The following FBXO21 variants were observed in gnomAD, a reference collection of about 807,000 sequenced individuals.
The protein encoded by FBXO21 is F-box only protein 21.
FBXO21 carries 32 observed loss-of-function variants against 76.6 expected under a neutral mutation model. The ratio of observed to expected loss-of-function variants is 0.42; its 90% confidence interval spans 0.32 to 0.56. FBXO21 has a LOEUF of 0.56. Ranked by LOEUF, FBXO21 falls within the 20% of genes least tolerant of loss-of-function variation. The pLI is 0.16. For synonymous variants in FBXO21, 328 were observed against 311.5 expected (o/e 1.05, Z -0.56); for missense variants, 586 against 797.3 (o/e 0.73, Z 3.19).
chr12:117,155,582 G>A (rs79478437), intron 11 of FBXO21: 137,810 of 609,644 alleles, frequency 0.23, 17,742 homozygotes, highest in East Asian at 0.4. Flanking sequence ...GGGGGAGGGC[G>A]GGTATGACTA....
chr12:117,172,193 A>C (rs904437369), intron 7 of FBXO21, among the ~76,000 whole-genome samples: 1 of 152,230 alleles, frequency 6.6e-6, no homozygotes, highest in Non-Finnish European at 1.5e-5. Flanking sequence ...TTTTTGAGAT[A>C]AATGTAGATT....
At chr12:117,173,900 T>C (rs927108622) in intron 6 of FBXO21, among the ~76,000 whole-genome samples, 1 of 151,854 alleles carries the variant, frequency 6.6e-6, no homozygotes, top group Admixed American at 6.6e-5. Flanking sequence ...TCCCAGCGCT[T>C]TGGGAGGCCA....
chr12:117,160,105 G>A (rs756382826), intron 9 of FBXO21, among the ~76,000 whole-genome samples: 11 of 152,168 alleles, frequency 7.2e-5, no homozygotes, highest in Non-Finnish European at 1.3e-4. Context: ...CTCTAGCCTA[G>A]GGGTTGGTAA....
intron 9 of FBXO21, among the ~76,000 whole-genome samples, chr12:117,161,758 C>CCATCCTTCAGCCT (rs1955979523): frequency 6.6e-6 from 1 of 152,160 alleles, no homozygotes; most frequent in Admixed American, 6.5e-5. Context: ...AAGAGGGGAA[C>CCATCCTTCAGCCT]TGTCCTAGGG....
intron 9 of FBXO21, among the ~76,000 whole-genome samples, chr12:117,164,902 CA>C (rs1956033742): frequency 6.6e-6 from 1 of 152,182 alleles, no homozygotes; most frequent in Non-Finnish European, 1.5e-5. Context: ...CGGGCCTCTC[CA>C]TGTGCTGCAG....
At chr12:117,185,902 T>C (rs1956277838) in intron 3 of FBXO21, among the ~76,000 whole-genome samples, 1 of 152,186 alleles carries the variant, frequency 6.6e-6, no homozygotes, top group Non-Finnish European at 1.5e-5. Flanking sequence ...GACGAAGTCT[T>C]GCTCTTGTCC....
intron 4 of FBXO21, 31 bp from the exon 5 acceptor site, chr12:117,174,828 T>G: frequency 6.2e-7 from 1 of 1,604,064 alleles, no homozygotes; most frequent in Non-Finnish European, 8.5e-7. Flanking sequence ...CCGAATAAAT[T>G]CTCACGTTAC....
At chr12:117,151,387 A>G (rs1955841250) in intron 11 of FBXO21, among the ~76,000 whole-genome samples, 1 of 152,174 alleles carries the variant, frequency 6.6e-6, no homozygotes, top group Non-Finnish European at 1.5e-5. Context: ...TCTTCATTGT[A>G]CAAACTAAAA....
At position 117,189,222 on chromosome 12, in the gene FBXO21, C is replaced by T; in HGVS notation, c.375+5G>A. On this transcript the variant is annotated splice_donor_5th_base_variant and intron_variant, in intron 2 of 11. Coordinates refer to ENST00000622495, the MANE Select transcript of FBXO21 (RefSeq NM_015002.3). The stretch of plus-strand genomic sequence containing the variant: ...AAGCTTAGAGCCACATCAACAGATC[C>T]TTACGTGCTCTGAAAAGAACCTCTT... 6.2e-7 allele frequency: 1 copy of T among 1,614,196 alleles called. No individual in the cohort carries two copies. The highest frequency in any genetic ancestry group is 1.1e-5 in the South Asian group (1 of 91,088).
At chr12:117,147,815 CGGAA>C (rs1190331859) in intron 11 of FBXO21, among the ~76,000 whole-genome samples, 2 of 152,148 alleles carry the variant, frequency 1.3e-5, no homozygotes, top group South Asian at 4.1e-4. Context: ...GACCTGACAC[CGGAA>C]GGAAGCTGGG....
intron 11 of FBXO21, among the ~76,000 whole-genome samples, chr12:117,149,287 A>C (rs1955812715): frequency 6.6e-6 from 1 of 152,158 alleles, no homozygotes; most frequent in Non-Finnish European, 1.5e-5. Flanking sequence ...AGTGTGAGCC[A>C]CCACGCCTGG....
At chr12:117,183,254 A>G (rs977102554) in intron 3 of FBXO21, among the ~76,000 whole-genome samples, 43 of 134,322 alleles carry the variant, frequency 3.2e-4, no homozygotes, top group African/African-American at 1.2e-3. Context: ...GCTGTTTAAC[A>G]CTTTTTTTTT....
chr12:117,173,897 G>A (rs570079921), intron 6 of FBXO21, among the ~76,000 whole-genome samples: 52 of 152,074 alleles, frequency 3.4e-4, no homozygotes, highest in Admixed American at 2.4e-3. Context: ...TAATCCCAGC[G>A]CTTTGGGAGG....
At position 117,174,296 on chromosome 12, in the gene FBXO21, A is replaced by G; in HGVS notation, c.785T>C (p.Leu262Pro). 1 of 1,613,988 alleles carries G rather than the reference A, an allele frequency of 6.2e-7. No individual in the cohort carries two copies. The highest frequency in any genetic ancestry group is 8.5e-7 in the Non-Finnish European group (1 of 1,179,832). The change falls in exon 6 of 12, where the codon CTG becomes CCG. Residue 262 changes from leucine to proline, a missense_variant. Around this residue, in one of 6 missense-constraint regions of FBXO21, gnomAD observed 246 missense variants for 356.8 expected, o/e 0.69. Transcript: ENST00000622495. Reference protein sequence around the residue: ...IMEIELQSQVLDAMNYVLYDQ... With the variant: ...IMEIELQSQVPDAMNYVLYDQ... ...GTAAAGGACATAGTTCATGGCATCC[A>G]GCACCTGGCTCTGGAGTTCTATTTC...
In FBXO21 at chr12:117,174,246, G is replaced by A. The variant is rs746654742; in HGVS notation, c.835C>T (p.Arg279Ter). 2 of 1,613,182 alleles carry A rather than the reference G, an allele frequency of 1.2e-6. No homozygotes were observed. Among genetic ancestry groups the A allele is most frequent in the South Asian group, 1.1e-5 (1 of 91,046 alleles). Residue 279 changes from arginine to a stop codon, truncating the protein, a stop_gained, in exon 6 of 12, where the codon CGA becomes TGA. Coordinates refer to ENST00000622495, the MANE Select transcript of FBXO21 (RefSeq NM_015002.3). LOFTEE classifies it high-confidence loss of function. ...TTGAGGGCATTATAGTAATCCATTC[G>A]ATTCCCCTTGAACTTCAGTTGGTCG... The part of the protein sequence containing the change: ...LYDQLKFKGN[R>*]MDYYNALNLY...
intron 7 of FBXO21, among the ~76,000 whole-genome samples, chr12:117,167,791 G>A (rs558662569): frequency 1.4e-4 from 21 of 151,796 alleles, no homozygotes; most frequent in African/African-American, 4.6e-4. Context: ...AGAAGGATTC[G>A]GCCATCAGTT....
At chr12:117,165,408 A>G in intron 9 of FBXO21, 77 bp downstream of exon 9, 2 of 1,389,622 alleles carry the variant, frequency 1.4e-6, no homozygotes, top group African/African-American at 2.8e-5. Flanking sequence ...ACACAAAGAT[A>G]AGCTTGTCAC....
chr12:117,171,314 C>T (rs1592886952), intron 7 of FBXO21, among the ~76,000 whole-genome samples: 4 of 143,336 alleles, frequency 2.8e-5, no homozygotes, highest in African/African-American at 1.0e-4. Context: ...GCCAAGATTG[C>T]GCCAATGCAC....
At chr12:117,151,338 AG>A (rs74829496) in intron 11 of FBXO21, among the ~76,000 whole-genome samples, 27,604 of 152,130 alleles carry the variant, frequency 0.18, 3,145 homozygotes, top group East Asian at 0.41. Context: ...ACATCCCATT[AG>A]GGTTTAGGTG....
Sources: gnomAD v4.1 joint callset for allele counts (sites outside exome capture counted in the v4.1 genomes callset) on GRCh38, gnomAD v4.1.1 for gene constraint, gnomAD v4.1.1 regional missense constraint, MANE v1.5 for transcripts, NCBI Gene and HGNC (gene_info 2026-07-23, HGNC 2026-07-21) for gene names.